Variants in NOX4 observed in about 807,000 individuals in gnomAD.
The protein encoded by NOX4 is NADPH oxidase 4, also known as kidney oxidase-1.
A neutral mutation model predicts 87.6 loss-of-function variants in NOX4; 69 were observed. The ratio of observed to expected loss-of-function variants is 0.79; its 90% CI spans 0.65 to 0.96. The LOEUF (loss-of-function observed/expected upper bound fraction) is 0.96. Ranked by LOEUF, NOX4 falls within the 40% of genes least tolerant of loss-of-function variation. NOX4 has a pLI of 0.00. For missense variants in NOX4, 680 were observed against 681.5 expected (o/e 1.00, Z 0.02); for synonymous variants, 275 against 238.2 (o/e 1.15, Z -1.42).
rs1182631178 is a variant in NOX4, at chr11:89,433,681, A to G, written c.476-825T>C. Among the ~76,000 whole-genome samples, 4 of 152,252 alleles carry G rather than the reference A, an allele frequency of 2.6e-5. No individual in the cohort carries two copies. In the East Asian group the frequency reaches 7.7e-4, roughly 29 times the overall value. Reference sequence around the variant, plus strand: ...TAAACTACAATGTTGATGTTTTAAAAATACTTGCAGACATATTTCTCCTTA... The same window carrying G: ...TAAACTACAATGTTGATGTTTTAAAGATACTTGCAGACATATTTCTCCTTA... On this transcript the variant is annotated intron_variant, in intron 6 of 17. Transcript: ENST00000263317.
At chr11:89,339,302 C>T (rs1393832737) in intron 15 of NOX4, among the ~76,000 whole-genome samples, 1 of 151,966 alleles carries the variant, frequency 6.6e-6, no homozygotes, top group East Asian at 1.9e-4. Flanking sequence ...GTTCTAGATG[C>T]ACTAATACCA....
intron 2 of NOX4, among the ~76,000 whole-genome samples, chr11:89,487,123 C>A (rs906990556): frequency 2.0e-5 from 3 of 151,994 alleles, no homozygotes; most frequent in African/African-American, 7.3e-5. Flanking sequence ...AGAAAAGCTA[C>A]GTAGTATGAT....
rs573408846 is a variant in NOX4, at chr11:89,360,913, C to T, written c.1136-5870G>A. ...ATCACGATGAGATGCTACCTTACTA[C>T]TGCAAGAATGGCCACAATTAAAAAG... On this transcript the variant is annotated intron_variant, in intron 12 of 17. Transcript: ENST00000263317. 2.0e-5 allele frequency among the ~76,000 whole-genome samples: 3 copies of T among 152,166 alleles called. No individual in the cohort carries two copies. The South Asian group carries it at 6.2e-4, about 32-fold the overall frequency.
chr11:89,543,953 G>A, the NOX4 span, among the ~76,000 whole-genome samples: 3 of 151,950 alleles, frequency 2.0e-5, no homozygotes, highest in African/African-American at 7.2e-5. Flanking sequence ...GTAAAAGTGG[G>A]GAAGAAAAGA....
intron 16 of NOX4, 113 bp downstream of exon 16, chr11:89,337,334 C>A (rs1170588615): frequency 4.7e-6 from 7 of 1,496,814 alleles, no homozygotes; most frequent in Non-Finnish European, 9.1e-7. Context: ...AGGAGGCTTT[C>A]CTCTAGGAAA....
At chr11:89,579,394 G>A in the NOX4 span, among the ~76,000 whole-genome samples, 1 of 152,004 alleles carries the variant, frequency 6.6e-6, no homozygotes, top group African/African-American at 2.4e-5. Context: ...GGGAGGTTAT[G>A]CATGTGTGGG....
chr11:89,563,798 T>C, the NOX4 span, among the ~76,000 whole-genome samples: 1 of 152,204 alleles, frequency 6.6e-6, no homozygotes, highest in Non-Finnish European at 1.5e-5. Context: ...TTCTTAACAT[T>C]ACTTTTTTTA....
chr11:89,384,039 T>A (rs1352263396), intron 11 of NOX4, among the ~76,000 whole-genome samples: 1 of 152,242 alleles, frequency 6.6e-6, no homozygotes, highest in Non-Finnish European at 1.5e-5. Context: ...CATGGCCTTT[T>A]AAAGCCTATA....
intron 12 of NOX4, among the ~76,000 whole-genome samples, chr11:89,366,501 C>A (rs1591035381): frequency 6.6e-6 from 1 of 151,860 alleles, no homozygotes; most frequent in Non-Finnish European, 1.5e-5. Context: ...CATGGCAAAA[C>A]CCTGCCTCTA....
At chr11:89,379,267 T>C (rs554237456) in intron 11 of NOX4, among the ~76,000 whole-genome samples, 17 of 152,120 alleles carry the variant, frequency 1.1e-4, no homozygotes, top group Non-Finnish European at 2.2e-4. Context: ...TCTCATTGCC[T>C]TCAAACAGAG....
chr11:89,545,336 C>T, the NOX4 span: 1 of 152,212 alleles, frequency 6.6e-6, no homozygotes. Flanking sequence ...CCTGTTAAAA[C>T]AGTAAAAATG....
chr11:89,407,443 T>C (rs939208386), intron 8 of NOX4, among the ~76,000 whole-genome samples: 3 of 152,088 alleles, frequency 2.0e-5, no homozygotes, highest in African/African-American at 4.8e-5. Flanking sequence ...AGGAGAAATT[T>C]TGAAGTATCT....
chr11:89,576,597 G>A, the NOX4 span, among the ~76,000 whole-genome samples: 2 of 151,922 alleles, frequency 1.3e-5, no homozygotes, highest in East Asian at 1.9e-4. Context: ...TGCCATTAAC[G>A]CCATATAGTT....
At chr11:89,585,601 G>A in the NOX4 span, among the ~76,000 whole-genome samples, 97 of 152,246 alleles carry the variant, frequency 6.4e-4, no homozygotes, top group Non-Finnish European at 1.0e-3. Flanking sequence ...GTGTTGCTGT[G>A]TTTCAATGAA....
chr11:89,380,868 G>T (rs994656300), intron 11 of NOX4, among the ~76,000 whole-genome samples: 2 of 152,104 alleles, frequency 1.3e-5, no homozygotes, highest in Non-Finnish European at 2.9e-5. Context: ...TATCCCAGCT[G>T]ATTTTTGACA....
chr11:89,495,972 G>A (rs951575824), upstream of NOX4, among the ~76,000 whole-genome samples: 2 of 152,138 alleles, frequency 1.3e-5, no homozygotes, highest in African/African-American at 4.8e-5. Context: ...GCATAAACTG[G>A]TAGAGTGGGT....
upstream of NOX4, among the ~76,000 whole-genome samples, chr11:89,497,198 T>C (rs1946965502): frequency 6.6e-6 from 1 of 152,194 alleles, no homozygotes; most frequent in Admixed American, 6.5e-5. Flanking sequence ...GTGTCTATTG[T>C]TTATGATATC....
chr11:89,528,639 C>T, the NOX4 span, among the ~76,000 whole-genome samples: 4 of 152,162 alleles, frequency 2.6e-5, no homozygotes, highest in African/African-American at 4.8e-5. Context: ...CTTCTTGCTG[C>T]CTTGTGAAGA....
chr11:89,461,797 C>T (rs954609540), intron 2 of NOX4, among the ~76,000 whole-genome samples: 1 of 151,640 alleles, frequency 6.6e-6, no homozygotes, highest in Admixed American at 6.6e-5. Context: ...CAGTAAAATC[C>T]CACTATTACC....
Sources: gnomAD v4.1 joint callset for allele counts (sites outside exome capture counted in the v4.1 genomes callset) on GRCh38, gnomAD v4.1.1 for gene constraint, MANE v1.5 for transcripts, NCBI Gene and HGNC (gene_info 2026-07-23, HGNC 2026-07-21) for gene names.